Variants in LOXL2 observed in about 807,000 individuals in gnomAD.
LOXL2 encodes lysyl oxidase homolog 2.
Under a neutral mutation model 93.0 loss-of-function variants are expected in LOXL2, and 70 were observed. The observed-to-expected ratio is 0.75, with a 90% confidence interval of 0.62 to 0.92. The LOEUF (loss-of-function observed/expected upper bound fraction) is 0.92. Among genes scored for constraint, LOXL2 ranks in the 40% least tolerant of loss-of-function variants. The pLI, the probability that LOXL2 is intolerant of heterozygous loss-of-function variation, is 0.00. For missense variants in LOXL2, 973 were observed against 1,054.9 expected (o/e 0.92, Z 1.08); for synonymous variants, 438 against 413.2 (o/e 1.06, Z -0.73).
intron 3 of LOXL2, among the ~76,000 whole-genome samples, chr8:23,346,264 T>C (rs1462562887): frequency 1.3e-5 from 2 of 151,452 alleles, no homozygotes; most frequent in South Asian, 4.2e-4. Context: ...TCAAGCACCC[T>C]GCACATATTA....
chr8:23,334,269 T>C (rs1438466706), intron 4 of LOXL2, among the ~76,000 whole-genome samples: 2 of 152,212 alleles, frequency 1.3e-5, no homozygotes, highest in South Asian at 2.1e-4. Context: ...AAACTCCTGA[T>C]CTCAAATGAT....
chr8:23,342,316 C>T (rs1478967111), intron 3 of LOXL2, among the ~76,000 whole-genome samples: 1 of 110,612 alleles, frequency 9.0e-6, no homozygotes, highest in Non-Finnish European at 2.1e-5. Context: ...TATGGAAGCT[C>T]CCCCCTAAAT....
chr8:23,380,542 C>T (rs1017409320), intron 1 of LOXL2, among the ~76,000 whole-genome samples: 5 of 152,172 alleles, frequency 3.3e-5, no homozygotes, highest in East Asian at 1.9e-4. Flanking sequence ...AATTTTTTGC[C>T]TCTTTTGTAG....
chr8:23,376,420 C>A (rs1804594414), intron 1 of LOXL2, among the ~76,000 whole-genome samples: 1 of 151,818 alleles, frequency 6.6e-6, no homozygotes, highest in Non-Finnish European at 1.5e-5. Context: ...TGTGTCTCTG[C>A]CAGGCTTTGG....
intron 4 of LOXL2, among the ~76,000 whole-genome samples, chr8:23,333,827 C>T (rs190425968): frequency 4.6e-5 from 7 of 152,302 alleles, no homozygotes; most frequent in South Asian, 2.1e-4. Context: ...GGGGACAGGA[C>T]GCAGAGGGTG....
At chr8:23,333,046 G>A (rs1037438614) in intron 5 of LOXL2, among the ~76,000 whole-genome samples, 13 of 152,086 alleles carry the variant, frequency 8.5e-5, no homozygotes, top group Admixed American at 6.5e-4. Context: ...AACCAAACAT[G>A]CTTGCAAATG....
intron 1 of LOXL2, chr8:23,385,993 A>G (rs1042222658): frequency 3.9e-6 from 3 of 765,226 alleles, no homozygotes; most frequent in Admixed American, 3.4e-5. Context: ...CATACTGCAC[A>G]ACACAGCTTT....
At chr8:23,381,417 C>G (rs1181579294) in intron 1 of LOXL2, among the ~76,000 whole-genome samples, 1 of 152,200 alleles carries the variant, frequency 6.6e-6, no homozygotes, top group Non-Finnish European at 1.5e-5. Flanking sequence ...TCCAGAAAGA[C>G]TGTGCCAATT....
At chr8:23,317,140 T>G (rs1563188235) in intron 8 of LOXL2, 26 bp from the exon 9 acceptor site, 1 of 1,610,812 alleles carries the variant, frequency 6.2e-7, no homozygotes, top group African/African-American at 1.3e-5. Flanking sequence ...AAACAAATGG[T>G]GGGTACATCA....
At chr8:23,382,127 G>A (rs1407900813) in intron 1 of LOXL2, among the ~76,000 whole-genome samples, 1 of 152,142 alleles carries the variant, frequency 6.6e-6, no homozygotes, top group South Asian at 2.1e-4. Flanking sequence ...ATTATAGTTC[G>A]GTTGCCATAA....
intron 1 of LOXL2, among the ~76,000 whole-genome samples, chr8:23,384,068 C>A (rs948827344): frequency 1.3e-5 from 2 of 152,154 alleles, no homozygotes; most frequent in Non-Finnish European, 2.9e-5. Flanking sequence ...CAAAACAGCT[C>A]GCCTACATAC....
Position 23,302,156 on chromosome 8 carries a change from C to A in LOXL2, c.2004G>T (p.Gln668His). 1 of 1,614,160 alleles carries A rather than the reference C, an allele frequency of 6.2e-7. No individual in the cohort carries two copies. The highest frequency in any genetic ancestry group is 8.5e-7 in the Non-Finnish European group (1 of 1,180,016). The change falls in exon 12 of 14, where the codon CAG becomes CAT. Residue 668 changes from glutamine (Q) to histidine (H), a missense_variant. Transcript: ENST00000389131. ...LEDTECEGDI[Q>H]KNYECANFGD... The stretch of plus-strand genomic sequence containing the variant: ...CGAAGTTGGCACACTCGTAATTCTT[C>A]TGGATGTCTGCGGGCAGGGTAGAGG...
rs1407676898 is a variant in LOXL2 at position 23,369,854 on chromosome 8, C to G, written c.-83-1420G>C. Among the ~76,000 whole-genome samples the G allele has an allele frequency of 2.0e-5, 3 of 152,160 alleles. No individual in the cohort carries two copies. The East Asian group carries it at 5.8e-4, about 29-fold the overall frequency. ...GTGTGGCTCTGAAGGGAATCAGGGT[C>G]CTGGCCACTCATCATTCCCATCAAA... is the stretch of plus-strand genomic sequence containing the variant. On this transcript the variant is annotated intron_variant, in intron 1 of 13. Transcript: ENST00000389131.
intron 3 of LOXL2, among the ~76,000 whole-genome samples, chr8:23,343,263 C>T (rs1403096640): frequency 6.6e-6 from 1 of 152,218 alleles, no homozygotes; most frequent in African/African-American, 2.4e-5. Flanking sequence ...ACCAGGTACC[C>T]AGCCCTATGT....
chr8:23,395,205 G>C (rs1275017901), intron 1 of LOXL2, among the ~76,000 whole-genome samples: 1 of 151,438 alleles, frequency 6.6e-6, no homozygotes, highest in Non-Finnish European at 1.5e-5. Context: ...AGTGAGCCGA[G>C]ATGGCGCCAC....
At chr8:23,325,725 C>T (rs933518356) in intron 6 of LOXL2, among the ~76,000 whole-genome samples, 3 of 152,302 alleles carry the variant, frequency 2.0e-5, no homozygotes, top group South Asian at 2.1e-4. Flanking sequence ...CTGGCGGACT[C>T]GGCACTAAGG....
chr8:23,347,168 AACACACACACACACACACAC>A (rs60464587), intron 3 of LOXL2, among the ~76,000 whole-genome samples: 7 of 141,850 alleles, frequency 4.9e-5, no homozygotes, highest in Non-Finnish European at 1.1e-4. Context: ...AACACACACA[AACACACACACACACACACAC>A]ACACACACAC....
chr8:23,386,125 G>A lies in LOXL2; in HGVS notation c.-83-17691C>T, dbSNP rs1440010485. On this transcript the variant is annotated intron_variant, in intron 1 of 13. Coordinates refer to ENST00000389131, the MANE Select transcript of LOXL2 (RefSeq NM_002318.3). ...CTAAAAAGTGATCAAGCTGGAATTT[G>A]TAACCAGGCCAGCCAGATACCAGAG... The A allele has an allele frequency of 1.1e-5, 8 of 740,918 alleles. No homozygotes were observed. In the East Asian group the frequency reaches 2.0e-4, roughly 18 times the overall value. 45.9% of individuals were successfully genotyped at this position (740,918 alleles called of 1,614,324 possible).
chr8:23,342,242 C>T (rs1305596420), intron 3 of LOXL2, among the ~76,000 whole-genome samples: 1 of 152,026 alleles, frequency 6.6e-6, no homozygotes, highest in African/African-American at 2.4e-5. Context: ...AGAAGAGGTT[C>T]CCTGGAGTTA....
Sources: allele counts gnomAD v4.1 joint callset (sites outside exome capture counted in the v4.1 genomes callset), GRCh38; gene constraint gnomAD v4.1.1; transcripts MANE v1.5; gene names NCBI Gene and HGNC (gene_info 2026-07-23, HGNC 2026-07-21).